Variants in CACHD1 observed in about 807,000 individuals in gnomAD.
The protein encoded by CACHD1 is VWFA and cache domain-containing protein 1.
Under a neutral mutation model 138.7 loss-of-function variants are expected in CACHD1, and 71 were observed. The ratio of observed to expected loss-of-function variants is 0.51; its 90% CI spans 0.42 to 0.62. The LOEUF (loss-of-function observed/expected upper bound fraction) is 0.62. Among genes scored for constraint, CACHD1 ranks in the 20% least tolerant of loss-of-function variants. The probability of loss-of-function intolerance (pLI) is 0.00; values close to 1 mark genes in which losing one functional copy is unlikely to be tolerated. For missense variants in CACHD1, 1,389 were observed against 1,625.3 expected (o/e 0.85, Z 2.50); for synonymous variants, 578 against 591.5 (o/e 0.98, Z 0.33).
intron 1 of CACHD1, among the ~76,000 whole-genome samples, chr1:64,535,908 T>C (rs1240352263): frequency 6.6e-6 from 1 of 152,164 alleles, no homozygotes; most frequent in Non-Finnish European, 1.5e-5. Context: ...TTAAGTTTGA[T>C]AACCACCACC....
chr1:64,507,432 G>C (rs1646386092), intron 1 of CACHD1, among the ~76,000 whole-genome samples: 1 of 152,236 alleles, frequency 6.6e-6, no homozygotes, highest in African/African-American at 2.4e-5. Flanking sequence ...CTAGTGGGCT[G>C]CCTGGTTAAT....
intron 1 of CACHD1, among the ~76,000 whole-genome samples, chr1:64,508,705 G>A (rs966181517): frequency 6.6e-6 from 1 of 152,078 alleles, no homozygotes; most frequent in African/African-American, 2.4e-5. Context: ...AGAGTGAGAG[G>A]GCTAAGTAAG....
intron 2 of CACHD1, among the ~76,000 whole-genome samples, chr1:64,573,232 G>A (rs964798551): frequency 2.6e-5 from 4 of 152,128 alleles, no homozygotes; most frequent in African/African-American, 7.2e-5. Flanking sequence ...TGGAATTTAA[G>A]CTTTTGTAAG....
At chr1:64,490,988 T>C (rs1646271674) in intron 1 of CACHD1, among the ~76,000 whole-genome samples, 1 of 152,178 alleles carries the variant, frequency 6.6e-6, no homozygotes, top group East Asian at 1.9e-4. Flanking sequence ...AATTAAAAGA[T>C]AAAAATCTAG....
At chr1:64,610,751 T>G (rs11208481) in intron 4 of CACHD1, among the ~76,000 whole-genome samples, 2,240 of 152,242 alleles carry the variant, frequency 0.015, 54 homozygotes, top group African/African-American at 0.051. Flanking sequence ...AATCTACCAT[T>G]CTGGAGTCTG....
chr1:64,526,453 T>C (rs974571482), intron 1 of CACHD1, among the ~76,000 whole-genome samples: 1 of 152,130 alleles, frequency 6.6e-6, no homozygotes, highest in Non-Finnish European at 1.5e-5. Flanking sequence ...ATAACAACGT[T>C]ATTCCCGGAA....
At chr1:64,617,594 T>C (rs1420464495) in intron 4 of CACHD1, among the ~76,000 whole-genome samples, 1 of 152,090 alleles carries the variant, frequency 6.6e-6, no homozygotes, top group East Asian at 1.9e-4. Context: ...AACAAGGAGA[T>C]AGGAAAGGAT....
intron 26 of CACHD1, among the ~76,000 whole-genome samples, chr1:64,684,534 T>C (rs1286983845): frequency 6.6e-6 from 1 of 152,030 alleles, no homozygotes; most frequent in Non-Finnish European, 1.5e-5. Flanking sequence ...TAACCTGTTA[T>C]TACAAAATAG....
In CACHD1 at chr1:64,556,302, T is replaced by C. The variant is rs78397784; in HGVS notation, c.261+5646T>C. 6.3e-3 allele frequency among the ~76,000 whole-genome samples: 955 copies of C among 152,326 alleles called. 10 individuals are homozygous for C. The highest frequency in any genetic ancestry group is 0.022 in the African/African-American group (920 of 41,564). ...AATTGTAACCGCTTATAGGATTTGT[T>C]TGATAAAGTAAAAATAGGTTAGTTA... On this transcript the variant is annotated intron_variant, in intron 2 of 26. Coordinates refer to ENST00000651257, the MANE Select transcript of CACHD1 (RefSeq NM_020925.4).
Position 64,675,503 on chromosome 1 carries a change from G to A in CACHD1, c.2830G>A (p.Asp944Asn), listed in dbSNP as rs1014220073. The A allele has an allele frequency of 5.0e-6, 8 of 1,613,436 alleles. No homozygotes were observed. The highest frequency in any genetic ancestry group is 3.3e-5 in the South Asian group (3 of 91,036). Residue 944 changes from aspartate (D) to asparagine (N), a missense_variant, in exon 20 of 27, where the codon GAC becomes AAC. By Grantham distance (23) the Asp-to-Asn change is conservative (BLOSUM62 1). This residue lies in a region of CACHD1 where 50 missense variants were observed against 108.2 expected (regional missense o/e 0.46). Coordinates refer to ENST00000651257, the MANE Select transcript of CACHD1 (RefSeq NM_020925.4). ...TGTTGGCATTGTCAACGAAACCTGC[G>A]ACTCTCTTGCCTTCTGTGCCTGCAG... is the stretch of plus-strand genomic sequence containing the variant. Reference protein sequence around the residue: ...AFVGIVNETCDSLAFCACSMV... With the variant: ...AFVGIVNETCNSLAFCACSMV...
At chr1:64,599,518 G>T (rs1338380232) in intron 3 of CACHD1, among the ~76,000 whole-genome samples, 1 of 152,078 alleles carries the variant, frequency 6.6e-6, no homozygotes, top group Admixed American at 6.5e-5. Flanking sequence ...AGCACATAGG[G>T]AGGGGCCAGT....
In CACHD1 at chr1:64,681,468, G is replaced by GT. The variant is rs201669718; in HGVS notation, c.3484+140dup. 1,831 of 376,304 alleles carry GT rather than the reference G, an allele frequency of 4.9e-3. 36 individuals carry two copies. Among genetic ancestry groups the GT allele is most frequent in the African/African-American group, 0.041 (1,602 of 39,170 alleles). 23.3% of individuals were successfully genotyped at this position (376,304 alleles called of 1,614,324 possible). A position where few individuals can be genotyped will look rare whatever the true frequency, so the allele number is the denominator to read the frequency against. ...ACACGGTGGCTGGGTTTTTTTAGTT[G>GT]TTTTTTTCCATCCTTTTTTGTTAGG... On this transcript the variant is annotated intron_variant, in intron 25 of 26. Transcript: ENST00000651257.
rs866411794 is a variant in CACHD1, at chr1:64,470,305, G to A, written c.-440G>A. On this transcript the variant is annotated 5_prime_UTR_variant, in exon 1 of 27. Transcript: ENST00000651257. The surrounding 1 kb of genome is among the most constrained non-coding windows in gnomAD (Gnocchi z 5.2). The stretch of plus-strand genomic sequence containing the variant: ...CCGCCGCTCCTCTTCCCCGGGGGCC[G>A]CCGTCAGTCCTCGCCGCCGCCTGCT... Among the ~76,000 whole-genome samples, 8 of 151,900 alleles carry A rather than the reference G, an allele frequency of 5.3e-5. No homozygotes were observed. Among genetic ancestry groups the A allele is most frequent in the Non-Finnish European group, 1.0e-4 (7 of 67,948 alleles).
intron 15 of CACHD1, 65 bp downstream of exon 15, chr1:64,664,744 C>A: frequency 6.8e-7 from 1 of 1,461,288 alleles, no homozygotes; most frequent in Non-Finnish European, 9.4e-7. Context: ...ATGGTAAGTA[C>A]ATACAATAAA....
intron 1 of CACHD1, among the ~76,000 whole-genome samples, chr1:64,511,323 T>G (rs1646419243): frequency 6.6e-6 from 1 of 152,224 alleles, no homozygotes; most frequent in African/African-American, 2.4e-5. Context: ...TAAGGGTGAT[T>G]GAACATTCAC....
At chr1:64,503,187 C>T (rs1646349698) in intron 1 of CACHD1, among the ~76,000 whole-genome samples, 1 of 152,074 alleles carries the variant, frequency 6.6e-6, no homozygotes, top group Non-Finnish European at 1.5e-5. Context: ...ACTAATTGGA[C>T]TGGCTGATAG....
rs1646720106 is a variant in CACHD1 at position 64,546,594 on chromosome 1, C to A, written c.199-4000C>A. ...AAGTGATCCACCTGCCTCAGCCCCC[C>A]AAAATTCTGGGATTACAGCATGAGC... On this transcript the variant is annotated intron_variant, in intron 1 of 26. Coordinates refer to ENST00000651257, the MANE Select transcript of CACHD1 (RefSeq NM_020925.4). Among the ~76,000 whole-genome samples, 5 of 152,212 alleles carry A rather than the reference C, an allele frequency of 3.3e-5. No individual in the cohort carries two copies. The South Asian group carries it at 8.3e-4, about 25-fold the overall frequency.
At chr1:64,645,991 C>T (rs781428975) in intron 8 of CACHD1, among the ~76,000 whole-genome samples, 2 of 152,146 alleles carry the variant, frequency 1.3e-5, no homozygotes, top group East Asian at 1.9e-4. Context: ...GGCAACCCAG[C>T]GTACTTACCA....
At chr1:64,690,059 A>T (rs573106250) in intron 26 of CACHD1, among the ~76,000 whole-genome samples, 3 of 152,328 alleles carry the variant, frequency 2.0e-5, no homozygotes, top group Admixed American at 2.0e-4. Flanking sequence ...TAAATGAATA[A>T]GTGAATGACC....
Sources: gnomAD v4.1 joint callset for allele counts (sites outside exome capture counted in the v4.1 genomes callset) on GRCh38, gnomAD v4.1.1 for gene constraint, gnomAD v4.1.1 regional missense constraint, Gnocchi (gnomAD v3.1) non-coding constraint, MANE v1.5 for transcripts, NCBI Gene and HGNC (gene_info 2026-07-23, HGNC 2026-07-21) for gene names.